The following LYRM4 variants were observed in gnomAD, a reference collection of about 807,000 sequenced individuals.
LYRM4 encodes the protein LYR motif containing 4.
A neutral mutation model predicts 11.7 loss-of-function variants in LYRM4; 9 were observed. The observed-to-expected ratio is 0.77, with a 90% CI of 0.46 to 1.34. The LOEUF (loss-of-function observed/expected upper bound fraction) is 1.34. Ranked by LOEUF, LYRM4 falls within the 40% of genes most tolerant of loss-of-function variation. LYRM4 has a pLI of 0.00. For synonymous variants in LYRM4, 42 were observed against 40.4 expected (o/e 1.04, Z -0.15); for missense variants, 133 against 112.5 (o/e 1.18, Z -0.82).
intron 2 of LYRM4, among the ~76,000 whole-genome samples, chr6:5,118,471 A>C (rs1306788272): frequency 6.6e-6 from 1 of 152,100 alleles, no homozygotes; most frequent in East Asian, 1.9e-4. Flanking sequence ...CACATGCTAA[A>C]CTGCCTGCTC....
At chr6:5,051,858 A>C in the LYRM4 span, among the ~76,000 whole-genome samples, 9 of 152,170 alleles carry the variant, frequency 5.9e-5, no homozygotes, top group African/African-American at 2.2e-4. Flanking sequence ...AAGTGCAGAG[A>C]TCACATGGTG....
chr6:5,253,092 T>A (rs1764508970), intron 1 of LYRM4, among the ~76,000 whole-genome samples: 1 of 152,226 alleles, frequency 6.6e-6, no homozygotes, highest in East Asian at 1.9e-4. Context: ...AATAGGAGGC[T>A]CATTTTGATC....
chr6:5,109,330 T>C lies in LYRM4; in HGVS notation c.*93A>G. ...CCACAGGACAGGCAGCGCAAAAGGC[T>C]ATTGTAAGCTGGTTTTGGGAGCCCC... On this transcript the variant is annotated 3_prime_UTR_variant, in exon 3 of 3. Coordinates refer to ENST00000330636, the MANE Select transcript of LYRM4 (RefSeq NM_020408.6). 3.8e-6 allele frequency: 6 copies of C among 1,593,644 alleles called. No individual in the cohort carries two copies. The highest frequency in any genetic ancestry group is 5.1e-6 in the Non-Finnish European group (6 of 1,165,192).
chr6:5,222,641 C>A lies in LYRM4; in HGVS notation c.87-5903G>T, dbSNP rs555039995. On this transcript the variant is annotated intron_variant, in intron 1 of 2. Transcript: ENST00000330636. ...AGGTTTGTCAAATCATTGAACTGTA[C>A]CCTTAAAATGGATGCACTTGATTGT... 2.0e-5 allele frequency among the ~76,000 whole-genome samples: 3 copies of A among 151,710 alleles called. No homozygotes were observed. In the Middle Eastern group the frequency reaches 0.01, roughly 527 times the overall value.
chr6:5,071,606 A>ATG, the LYRM4 span, among the ~76,000 whole-genome samples: 2 of 151,124 alleles, frequency 1.3e-5, no homozygotes, highest in Non-Finnish European at 3.0e-5. Flanking sequence ...GTGTGTATGT[A>ATG]TGTGTGTGTG....
At chr6:5,221,117 A>G (rs1398328234) in intron 1 of LYRM4, among the ~76,000 whole-genome samples, 7 of 152,026 alleles carry the variant, frequency 4.6e-5, no homozygotes, top group East Asian at 1.9e-4. Context: ...GTGAGCCACT[A>G]TATCTGGCCT....
At chr6:5,034,769 T>TTTTTTTTTTTTTTTTTTTTTTTTTG in the LYRM4 span, 4 of 12,992 alleles carry the variant, frequency 3.1e-4, no homozygotes, top group African/African-American at 5.8e-4. Context: ...TTTTTTTTTT[T>TTTTTTTTTTTTTTTTTTTTTTTTTG]TCAAAAAGCG....
At chr6:5,253,433 T>A (rs1221648067) in intron 1 of LYRM4, among the ~76,000 whole-genome samples, 1 of 152,196 alleles carries the variant, frequency 6.6e-6, no homozygotes, top group Non-Finnish European at 1.5e-5. Context: ...CTCAGTTTTT[T>A]TTTTTGCTAA....
At chr6:5,219,144 C>T (rs553008723) in intron 1 of LYRM4, among the ~76,000 whole-genome samples, 1 of 152,106 alleles carries the variant, frequency 6.6e-6, no homozygotes, top group African/African-American at 2.4e-5. Context: ...TTTCTAAAAG[C>T]TAGTAACTAG....
At chr6:5,247,619 T>C (rs1192451832) in intron 1 of LYRM4, among the ~76,000 whole-genome samples, 1 of 152,232 alleles carries the variant, frequency 6.6e-6, no homozygotes, top group Non-Finnish European at 1.5e-5. Context: ...GTAATTATGC[T>C]ACAGAGTAAT....
chr6:5,250,315 A>G (rs1399474526), intron 1 of LYRM4, among the ~76,000 whole-genome samples: 9 of 152,206 alleles, frequency 5.9e-5, no homozygotes, highest in Admixed American at 5.9e-4. Context: ...TCAATAAATC[A>G]GCAATGACAC....
At chr6:5,156,342 G>A (rs1758410114) in intron 2 of LYRM4, among the ~76,000 whole-genome samples, 1 of 152,222 alleles carries the variant, frequency 6.6e-6, no homozygotes, top group African/African-American at 2.4e-5. Flanking sequence ...ACAGGTGCCT[G>A]CTAATGGTCC....
the LYRM4 span, chr6:5,085,866 G>A: frequency 1.3e-6 from 2 of 1,530,990 alleles, no homozygotes; most frequent in Admixed American, 3.9e-5. Flanking sequence ...GCTGCGCCAA[G>A]TGCAAGAAGC....
chr6:5,096,166 T>C, the LYRM4 span, among the ~76,000 whole-genome samples: 1 of 152,088 alleles, frequency 6.6e-6, no homozygotes, highest in Non-Finnish European at 1.5e-5. Flanking sequence ...CATTTCACAA[T>C]AAGAGTTACA....
intron 1 of LYRM4, among the ~76,000 whole-genome samples, chr6:5,243,063 G>A (rs892041545): frequency 1.3e-4 from 20 of 152,240 alleles, no homozygotes; most frequent in African/African-American, 2.4e-4. Flanking sequence ...GTGAGCCACC[G>A]CGCCCGGCCA....
At chr6:5,206,726 C>A (rs1323237130) in intron 2 of LYRM4, among the ~76,000 whole-genome samples, 1 of 152,040 alleles carries the variant, frequency 6.6e-6, no homozygotes, top group African/African-American at 2.4e-5. Context: ...GCTTCTTAGA[C>A]TGGATGAAAT....
chr6:5,201,190 TCA>T (rs1026951612), intron 2 of LYRM4, among the ~76,000 whole-genome samples: 1 of 152,074 alleles, frequency 6.6e-6, no homozygotes, highest in Non-Finnish European at 1.5e-5. Context: ...ATGGAATGTA[TCA>T]GTCTTCCTTT....
intron 2 of LYRM4, among the ~76,000 whole-genome samples, chr6:5,110,371 G>A (rs1305223466): frequency 6.6e-6 from 1 of 152,192 alleles, no homozygotes; most frequent in Non-Finnish European, 1.5e-5. Flanking sequence ...CTATTTCGAA[G>A]TGAAGGCCCC....
At chr6:5,226,001 A>T (rs1762870994) in intron 1 of LYRM4, among the ~76,000 whole-genome samples, 2 of 152,196 alleles carry the variant, frequency 1.3e-5, no homozygotes, top group African/African-American at 4.8e-5. Context: ...GCCTTTTCTT[A>T]ATCGAGTGGT....
Sources: allele counts gnomAD v4.1 joint callset (sites outside exome capture counted in the v4.1 genomes callset), GRCh38; gene constraint gnomAD v4.1.1; transcripts MANE v1.5; gene names NCBI Gene and HGNC (gene_info 2026-07-23, HGNC 2026-07-21).